The following SBF2 variants were observed in gnomAD, a reference collection of about 807,000 sequenced individuals.
SBF2 encodes myotubularin-related protein 13.
Under a neutral mutation model 225.2 loss-of-function variants are expected in SBF2, and 112 were observed. The ratio of observed to expected loss-of-function variants is 0.50; its 90% CI spans 0.43 to 0.58. The LOEUF (loss-of-function observed/expected upper bound fraction) is 0.58. SBF2 is among the 20% of genes least tolerant of loss of function. The probability of loss-of-function intolerance (pLI) is 0.00; values close to 1 mark genes in which losing one functional copy is unlikely to be tolerated. For synonymous variants in SBF2, 763 were observed against 773.3 expected, an observed-to-expected ratio of 0.99 and a Z score of 0.22; for missense variants, 1,996 against 2,206.2, an observed-to-expected ratio of 0.90 and a Z score of 1.91.
intron 17 of SBF2, among the ~76,000 whole-genome samples, chr11:9,867,465 A>G (rs1479349690): frequency 6.6e-6 from 1 of 152,218 alleles, no homozygotes; most frequent in African/African-American, 2.4e-5. Flanking sequence ...TATAGCCATT[A>G]TGCAAAAACA....
chr11:10,196,551 A>G (rs1162813803), intron 1 of SBF2, among the ~76,000 whole-genome samples: 1 of 151,630 alleles, frequency 6.6e-6, no homozygotes, highest in Non-Finnish European at 1.5e-5. Flanking sequence ...GCTAATTTTC[A>G]TATTTTTTGT....
chr11:9,793,245 C>T (rs1415483625), intron 33 of SBF2, among the ~76,000 whole-genome samples: 1 of 152,032 alleles, frequency 6.6e-6, no homozygotes. Context: ...TTTAGTTTTT[C>T]AGATGAGAAA....
intron 2 of SBF2, among the ~76,000 whole-genome samples, chr11:10,188,156 TAAA>T (rs748226749): frequency 7.9e-5 from 12 of 152,128 alleles, no homozygotes; most frequent in Non-Finnish European, 1.6e-4. Flanking sequence ...CATTTTATAA[TAAA>T]GAAGAAATAG....
At chr11:9,881,502 A>C (rs374657313) in intron 17 of SBF2, among the ~76,000 whole-genome samples, 1 of 152,138 alleles carries the variant, frequency 6.6e-6, no homozygotes, top group Non-Finnish European at 1.5e-5. Flanking sequence ...TAGTTTATTA[A>C]TTCCAAATAA....
intron 16 of SBF2, among the ~76,000 whole-genome samples, chr11:9,930,871 C>T (rs1000692434): frequency 1.3e-5 from 2 of 152,214 alleles, no homozygotes; most frequent in Non-Finnish European, 2.9e-5. Context: ...CAGACTGCAC[C>T]TGGAAAAACG....
rs559792434 is a variant in SBF2 at position 9,903,557 on chromosome 11, G to C, written c.1861-7546C>G. On this transcript the variant is annotated intron_variant, in intron 16 of 39. Transcript: ENST00000256190. ...GCATAAGGCATAAAAAGAGACCGAG[G>C]CAAGTTTCAGAGCAGGAGTGGAAGT... is the stretch of plus-strand genomic sequence containing the variant. 2.0e-5 allele frequency among the ~76,000 whole-genome samples: 3 copies of C among 152,266 alleles called. No homozygotes were observed. The South Asian group carries it at 6.2e-4, about 32-fold the overall frequency.
At chr11:10,258,345 C>A (rs1961085481) in intron 1 of SBF2, among the ~76,000 whole-genome samples, 1 of 152,178 alleles carries the variant, frequency 6.6e-6, no homozygotes, top group African/African-American at 2.4e-5. Context: ...CAGCCTCAAA[C>A]AAACCTCCCA....
At chr11:10,257,683 A>AG (rs1960986698) in intron 1 of SBF2, among the ~76,000 whole-genome samples, 1 of 149,456 alleles carries the variant, frequency 6.7e-6, no homozygotes, top group Admixed American at 6.7e-5. Flanking sequence ...AAAAAAAAAA[A>AG]AAAAAAAGAA....
chr11:10,057,969 G>C (rs1406551576), intron 2 of SBF2, among the ~76,000 whole-genome samples: 1 of 151,464 alleles, frequency 6.6e-6, no homozygotes, highest in East Asian at 1.9e-4. Context: ...CCTACACAAA[G>C]TCCTGGCCTG....
At chr11:10,112,151 T>C (rs549252876) in intron 2 of SBF2, among the ~76,000 whole-genome samples, 1 of 152,326 alleles carries the variant, frequency 6.6e-6, no homozygotes, top group Admixed American at 6.5e-5. Flanking sequence ...ACACATCTGG[T>C]CTTTCCTTTA....
intron 17 of SBF2, among the ~76,000 whole-genome samples, chr11:9,866,710 A>C (rs1858250328): frequency 6.6e-6 from 1 of 152,264 alleles, no homozygotes; most frequent in South Asian, 2.1e-4. Flanking sequence ...ACAGGCAACA[A>C]AAGCAAAAAT....
chr11:10,125,731 C>G (rs915320959), intron 2 of SBF2, among the ~76,000 whole-genome samples: 13 of 152,234 alleles, frequency 8.5e-5, no homozygotes, highest in Admixed American at 5.9e-4. Flanking sequence ...AGTGTTTCCA[C>G]TAATGTCCTT....
intron 13 of SBF2, among the ~76,000 whole-genome samples, chr11:9,971,671 C>T (rs1447919114): frequency 6.6e-6 from 1 of 151,936 alleles, no homozygotes; most frequent in South Asian, 2.1e-4. Flanking sequence ...AGAGTGAGAC[C>T]TTGTCTCAAG....
At chr11:10,186,293 T>C (rs568167035) in intron 2 of SBF2, among the ~76,000 whole-genome samples, 1 of 152,266 alleles carries the variant, frequency 6.6e-6, no homozygotes, top group East Asian at 1.9e-4. Flanking sequence ...ATCTCAGTGC[T>C]TTGGGAGGGC....
intron 38 of SBF2, 132 bp from the exon 39 acceptor site, chr11:9,781,770 A>G (rs1669624578): frequency 9.6e-7 from 1 of 1,038,276 alleles, no homozygotes. Flanking sequence ...AGAATACACA[A>G]AAAATTAATT....
chr11:9,872,658 G>A (rs145313075), intron 17 of SBF2, among the ~76,000 whole-genome samples: 234 of 152,178 alleles, frequency 1.5e-3, no homozygotes, highest in Middle Eastern at 6.8e-3. Context: ...CTGACGTGTG[G>A]ATCGGAGGAA....
In SBF2 at chr11:9,781,489, G is replaced by C; in HGVS notation, c.5451+18C>G. On this transcript the variant is annotated intron_variant, in intron 39 of 39. Transcript: ENST00000256190. Reference sequence around the variant, plus strand: ...ATGTGCAGACAGAGCCAGGAAAAGAGAAGTAAGATCAACTTACATCAAAGA... The same window carrying C: ...ATGTGCAGACAGAGCCAGGAAAAGACAAGTAAGATCAACTTACATCAAAGA... The C allele has an allele frequency of 6.2e-7, 1 of 1,614,110 alleles. No homozygotes were observed. The highest frequency in any genetic ancestry group is 8.5e-7 in the Non-Finnish European group (1 of 1,179,982).
At chr11:10,178,712 G>T (rs1196436515) in intron 2 of SBF2, among the ~76,000 whole-genome samples, 1 of 143,984 alleles carries the variant, frequency 6.9e-6, no homozygotes, top group African/African-American at 2.6e-5. Flanking sequence ...TAGAGAGGAT[G>T]TGGAGAAATA....
At chr11:9,844,480 C>T (rs1383360815) in intron 24 of SBF2, among the ~76,000 whole-genome samples, 1 of 152,144 alleles carries the variant, frequency 6.6e-6, no homozygotes, top group Non-Finnish European at 1.5e-5. Context: ...TAACTTAAAA[C>T]TATTGTTATT....
Sources: gnomAD v4.1 joint callset for allele counts (sites outside exome capture counted in the v4.1 genomes callset) on GRCh38, gnomAD v4.1.1 for gene constraint, MANE v1.5 for transcripts, NCBI Gene and HGNC (gene_info 2026-07-23, HGNC 2026-07-21) for gene names.